The following RYR2 variants were observed in gnomAD, a reference collection of about 807,000 sequenced individuals.
The protein encoded by RYR2 is cardiac muscle ryanodine receptor-calcium release channel.
In RYR2, 227 loss-of-function variants were observed where a neutral mutation model predicts 601.1. That is an observed-to-expected ratio of 0.38 (90% CI 0.34 to 0.42). The LOEUF is 0.42. RYR2 is among the 10% of genes least tolerant of loss of function. The pLI, the probability that RYR2 is intolerant of heterozygous loss-of-function variation, is 1.00. For synonymous variants in RYR2, 2,223 were observed against 2,175.1 expected, an observed-to-expected ratio of 1.02 and a Z score of -0.61; for missense variants, 4,646 against 6,156.5, an observed-to-expected ratio of 0.75 and a Z score of 8.21.
intron 4 of RYR2, among the ~76,000 whole-genome samples, chr1:237,359,293 A>G (rs1000748765): frequency 1.3e-5 from 2 of 152,222 alleles, no homozygotes; most frequent in African/African-American, 4.8e-5. Flanking sequence ...AAAAAATACA[A>G]TGATTGTATG....
At chr1:237,263,387 A>AC (rs1457462645) in intron 1 of RYR2, among the ~76,000 whole-genome samples, 5 of 152,194 alleles carry the variant, frequency 3.3e-5, no homozygotes, top group African/African-American at 1.2e-4. Flanking sequence ...TGGTGAGCAA[A>AC]CCAGACCTTG....
chr1:237,331,311 C>A (rs1034925414), intron 3 of RYR2, among the ~76,000 whole-genome samples: 2 of 152,156 alleles, frequency 1.3e-5, no homozygotes, highest in African/African-American at 4.8e-5. Context: ...TAGCTTTATG[C>A]ATGGCTATTT....
intron 27 of RYR2, among the ~76,000 whole-genome samples, chr1:237,556,434 G>T (rs1480820692): frequency 1.3e-5 from 2 of 150,992 alleles, no homozygotes; most frequent in Non-Finnish European, 3.0e-5. Flanking sequence ...CCGAGTAGCT[G>T]GGACTACATG....
At chr1:237,475,950 T>C (rs1661349797) in intron 17 of RYR2, among the ~76,000 whole-genome samples, 1 of 152,138 alleles carries the variant, frequency 6.6e-6, no homozygotes, top group African/African-American at 2.4e-5. Flanking sequence ...GTAAGTACAG[T>C]TGATTGAGTT....
At chr1:237,208,930 G>T (rs1682128112) in intron 1 of RYR2, among the ~76,000 whole-genome samples, 1 of 85,442 alleles carries the variant, frequency 1.2e-5, no homozygotes. Flanking sequence ...AACCAAATGT[G>T]TGTGTGTATA....
chr1:237,351,906 G>A lies in RYR2; in HGVS notation c.274-4059G>A, dbSNP rs151281898. On this transcript the variant is annotated intron_variant, in intron 3 of 104. Coordinates refer to ENST00000366574, the MANE Select transcript of RYR2 (RefSeq NM_001035.3). ...TATAGACTAATATTTATCAGGGACT[G>A]TAGGTGTAGAAATCCTCCACAAAAT... Among the ~76,000 whole-genome samples, 18 of 141,358 alleles carry A rather than the reference G, an allele frequency of 1.3e-4. No homozygotes were observed. In the East Asian group the frequency reaches 3.5e-3, roughly 28 times the overall value. 92.7% of individuals were successfully genotyped at this position (141,358 alleles called of 152,430 possible).
intron 1 of RYR2, among the ~76,000 whole-genome samples, chr1:237,254,060 G>A (rs183052983): frequency 6.6e-6 from 1 of 152,198 alleles, no homozygotes; most frequent in Admixed American, 6.5e-5. Flanking sequence ...ATGAAATTGG[G>A]GAGATACATG....
chr1:237,463,082 C>T (rs189953185), intron 16 of RYR2, among the ~76,000 whole-genome samples: 293 of 152,150 alleles, frequency 1.9e-3, no homozygotes, highest in African/African-American at 5.9e-3. Flanking sequence ...TTTGTTTGCT[C>T]GTTTGTTTGT....
intron 35 of RYR2, among the ~76,000 whole-genome samples, chr1:237,607,578 A>G (rs1022317606): frequency 2.0e-5 from 3 of 152,354 alleles, no homozygotes; most frequent in East Asian, 1.9e-4. Context: ...GTATAATAAA[A>G]AAAAGAATAG....
intron 1 of RYR2, among the ~76,000 whole-genome samples, chr1:237,267,270 G>T (rs1434469482): frequency 8.5e-5 from 13 of 152,204 alleles, no homozygotes; most frequent in South Asian, 2.1e-4. Context: ...TGTAATCCTG[G>T]CGCTTTGGGA....
At chr1:237,381,854 T>A (rs1701547316) in intron 8 of RYR2, among the ~76,000 whole-genome samples, 1 of 152,218 alleles carries the variant, frequency 6.6e-6, no homozygotes, top group African/African-American at 2.4e-5. Context: ...TGCTGTTTTA[T>A]GTTCTGAGGT....
rs973590190 is a variant in RYR2, at chr1:237,434,443, C to T, written c.1006-6876C>T. Among the ~76,000 whole-genome samples, 8 of 152,272 alleles carry T rather than the reference C, an allele frequency of 5.3e-5. No homozygotes were observed. The South Asian group carries it at 6.2e-4, about 12-fold the overall frequency. On this transcript the variant is annotated intron_variant, in intron 12 of 104. Transcript: ENST00000366574. ...CTTTTAAGGAAAATATCTTACATAA[C>T]GAAGAATGCTATTTGATAAATGTAG...
intron 104 of RYR2, 56 bp downstream of exon 104, chr1:237,831,621 A>T: frequency 9.6e-7 from 1 of 1,037,576 alleles, no homozygotes; most frequent in Non-Finnish European, 1.5e-6. Flanking sequence ...AGCTCTAAAT[A>T]TCAGAACAAA....
At position 237,610,779 on chromosome 1, in the gene RYR2, G is replaced by A. The variant is rs775379095; in HGVS notation, c.4701G>A (p.Ser1567=). 14 of 1,605,484 alleles carry A rather than the reference G, an allele frequency of 8.7e-6. No individual in the cohort carries two copies. The East Asian group carries it at 9.0e-5, about 10-fold the overall frequency. Reference sequence around the variant, plus strand: ...TCCGCTAGAATGTGATGCCTCTCTCGGCGGGATTATTCAAGAGTGAGCACA... The same window carrying A: ...TCCGCTAGAATGTGATGCCTCTCTCAGCGGGATTATTCAAGAGTGAGCACA... ...LGRIKNVMPL[S]AGLFKSEHKN... The change falls in exon 36 of 105, where the codon TCG becomes TCA. Residue 1567 remains serine (S), a synonymous_variant. Transcript: ENST00000366574. The surrounding 1 kb of genome is among the most constrained non-coding windows in gnomAD (Gnocchi z 4.9).
chr1:237,674,283 T>A, intron 59 of RYR2, 64 bp downstream of exon 59: 1 of 1,263,094 alleles, frequency 7.9e-7, no homozygotes, highest in Non-Finnish European at 1.1e-6. Flanking sequence ...AATATCTCCA[T>A]CATATTTAAA....
chr1:237,491,160 C>T (rs1663288770), intron 17 of RYR2, among the ~76,000 whole-genome samples: 1 of 152,138 alleles, frequency 6.6e-6, no homozygotes, highest in Non-Finnish European at 1.5e-5. Flanking sequence ...GTGGCTAGTA[C>T]CTAAAAATAC....
chr1:237,741,265 G>A (rs1043229675), intron 79 of RYR2, among the ~76,000 whole-genome samples: 3 of 152,166 alleles, frequency 2.0e-5, no homozygotes, highest in South Asian at 4.2e-4. Flanking sequence ...AATTTATCAC[G>A]GAGTGAGTGG....
In RYR2 at chr1:237,819,199, A is replaced by G. The variant is rs1553339087; in HGVS notation, c.14590+7A>G. 3 of 1,611,182 alleles carry G rather than the reference A, an allele frequency of 1.9e-6. No individual in the cohort carries two copies. The highest frequency in any genetic ancestry group is 2.2e-5 in the South Asian group (2 of 90,954). On this transcript the variant is annotated splice_region_variant and intron_variant, in intron 101 of 104. Transcript: ENST00000366574. The surrounding 1 kb of genome is among the most constrained non-coding windows in gnomAD (Gnocchi z 4.0). ...CTCTTGGCCATAATACAAGGTAAGT[A>G]TCCTCCTCACTGAAGCTGATGAACA...
At position 237,293,429 on chromosome 1, in the gene RYR2, A is replaced by G. The variant is rs969520013; in HGVS notation, c.168+22813A>G. ...GCCATGTTGGCCAGGCTGGTCTCGA[A>G]CTCCTGGCCTCAAGTGATCCGCCCA... On this transcript the variant is annotated intron_variant, in intron 2 of 104. Transcript: ENST00000366574. Among the ~76,000 whole-genome samples, 14 of 152,146 alleles carry G rather than the reference A, an allele frequency of 9.2e-5. No individual in the cohort carries two copies. In the East Asian group the frequency reaches 2.1e-3, roughly 23 times the overall value.
Sources: allele counts gnomAD v4.1 joint callset (sites outside exome capture counted in the v4.1 genomes callset), GRCh38; gene constraint gnomAD v4.1.1; non-coding constraint Gnocchi (gnomAD v3.1); transcripts MANE v1.5; gene names NCBI Gene and HGNC (gene_info 2026-07-23, HGNC 2026-07-21).